Variants in PLCL2 observed in about 807,000 individuals in gnomAD.
PLCL2 encodes the protein inactive phospholipase C-like protein 2.
PLCL2 carries 4 observed loss-of-function variants against 79.6 expected under a neutral mutation model. That is an observed-to-expected ratio of 0.05 (90% confidence interval 0.02 to 0.11). The LOEUF (loss-of-function observed/expected upper bound fraction) is 0.11, where lower values mean the gene tolerates loss of function less well. Ranked by LOEUF, PLCL2 falls within the 10% of genes least tolerant of loss-of-function variation. The probability of loss-of-function intolerance (pLI) is 1.00; values close to 1 mark genes in which losing one functional copy is unlikely to be tolerated. For missense variants in PLCL2, 895 were observed against 1,291.0 expected (o/e 0.69, Z 4.70); for synonymous variants, 484 against 457.7 (o/e 1.06, Z -0.73).
intron 1 of PLCL2, among the ~76,000 whole-genome samples, chr3:17,007,297 A>G (rs2064271705): frequency 6.6e-6 from 1 of 152,182 alleles, no homozygotes; most frequent in African/African-American, 2.4e-5. Context: ...ACTGGGAAAA[A>G]AAAACTAAAG....
rs143218682 is a variant in PLCL2 at position 17,010,990 on chromosome 3, C to T, written c.1644C>T (p.Pro548=). The change falls in exon 2 of 6, where the codon CCC becomes CCT. Residue 548 remains proline, a synonymous_variant. Coordinates refer to ENST00000615277, the MANE Select transcript of PLCL2 (RefSeq NM_001144382.2). The surrounding 1 kb of genome is among the most constrained non-coding windows in gnomAD (Gnocchi z 5.8). ...GAGACAAGCTCTATACAACATCACC[C>T]AATGTTGAGGAATCTTATCTACCAT... ...LLGDKLYTTS[P]NVEESYLPSP... The T allele has an allele frequency of 3.2e-5, 51 of 1,613,158 alleles. No homozygotes were observed. The African/African-American group carries it at 6.4e-4, about 20-fold the overall frequency.
chr3:17,030,476 C>T (rs924747985), intron 3 of PLCL2, among the ~76,000 whole-genome samples: 1 of 152,154 alleles, frequency 6.6e-6, no homozygotes, highest in African/African-American at 2.4e-5. Flanking sequence ...GTTATTTATA[C>T]AGAGCATGAT....
chr3:16,960,690 A>C (rs1271683169), intron 1 of PLCL2, among the ~76,000 whole-genome samples: 2 of 152,172 alleles, frequency 1.3e-5, no homozygotes, highest in Non-Finnish European at 2.9e-5. Flanking sequence ...CAGTCCTGTA[A>C]TTGAGTATTT....
intron 1 of PLCL2, among the ~76,000 whole-genome samples, chr3:16,963,235 T>A (rs527599757): frequency 4.6e-5 from 7 of 152,218 alleles, no homozygotes; most frequent in Non-Finnish European, 8.8e-5. Context: ...GATTTCTACT[T>A]GTCTTCAGAT....
intron 1 of PLCL2, among the ~76,000 whole-genome samples, chr3:16,906,574 CAG>C (rs1559482163): frequency 6.6e-6 from 1 of 152,028 alleles, no homozygotes; most frequent in Admixed American, 6.5e-5. Flanking sequence ...GAATATTCTA[CAG>C]AGTTTGAAAA....
At chr3:17,056,024 T>C (rs1465710660) in intron 4 of PLCL2, among the ~76,000 whole-genome samples, 1 of 152,170 alleles carries the variant, frequency 6.6e-6, no homozygotes, top group East Asian at 1.9e-4. Flanking sequence ...CCCAACACTG[T>C]GCTCTCTTGT....
At chr3:16,897,452 C>A (rs1031329629) in intron 1 of PLCL2, among the ~76,000 whole-genome samples, 6 of 152,086 alleles carry the variant, frequency 3.9e-5, no homozygotes, top group South Asian at 2.1e-4. Context: ...GTACCCATGG[C>A]ATTCTGCAGC....
intron 5 of PLCL2, among the ~76,000 whole-genome samples, chr3:17,087,961 T>C (rs1267023128): frequency 1.3e-5 from 2 of 152,190 alleles, no homozygotes; most frequent in African/African-American, 2.4e-5. Context: ...CACAATATGC[T>C]ATATATACAA....
At chr3:17,083,058 A>T (rs2065180058) in intron 5 of PLCL2, among the ~76,000 whole-genome samples, 1 of 152,124 alleles carries the variant, frequency 6.6e-6, no homozygotes. Context: ...CAGTGATCAG[A>T]AGACAAAAAT....
intron 5 of PLCL2, among the ~76,000 whole-genome samples, chr3:17,072,442 A>G (rs1048900583): frequency 2.0e-5 from 3 of 152,024 alleles, no homozygotes; most frequent in African/African-American, 7.2e-5. Context: ...GCCGAGCTGC[A>G]TGGATCACCT....
intron 1 of PLCL2, among the ~76,000 whole-genome samples, chr3:16,898,359 G>A (rs939775402): frequency 6.6e-6 from 1 of 152,054 alleles, no homozygotes; most frequent in Admixed American, 6.5e-5. Flanking sequence ...AAGAATAAGA[G>A]AGGTTTCCTT....
intron 1 of PLCL2, among the ~76,000 whole-genome samples, chr3:16,971,858 A>T (rs1346621662): frequency 6.6e-6 from 1 of 152,006 alleles, no homozygotes; most frequent in Non-Finnish European, 1.5e-5. Flanking sequence ...TTTGTCTGTT[A>T]TTGGTGTATA....
intron 1 of PLCL2, among the ~76,000 whole-genome samples, chr3:16,920,575 C>T (rs1231675862): frequency 6.6e-6 from 1 of 151,984 alleles, no homozygotes; most frequent in Admixed American, 6.6e-5. Context: ...TGCTTTGAGC[C>T]CTGTGAGTGG....
chr3:17,072,782 T>C (rs2065073467), intron 5 of PLCL2, among the ~76,000 whole-genome samples: 1 of 152,210 alleles, frequency 6.6e-6, no homozygotes, highest in South Asian at 2.1e-4. Flanking sequence ...CTTGAAACTA[T>C]AATTGCCATG....
intron 4 of PLCL2, among the ~76,000 whole-genome samples, chr3:17,055,483 A>G (rs1219939880): frequency 6.6e-6 from 1 of 152,176 alleles, no homozygotes; most frequent in Admixed American, 6.6e-5. Context: ...CCGCTGTCTC[A>G]CCACACCTCA....
intron 1 of PLCL2, among the ~76,000 whole-genome samples, chr3:16,993,512 T>C (rs2064124617): frequency 6.6e-6 from 1 of 152,200 alleles, no homozygotes; most frequent in African/African-American, 2.4e-5. Context: ...TTCAAAACTC[T>C]GGAATTAAAG....
chr3:17,042,826 G>A, intron 3 of PLCL2, 48 bp from the exon 4 acceptor site: 1 of 1,275,898 alleles, frequency 7.8e-7, no homozygotes, highest in Non-Finnish European at 1.1e-6. Flanking sequence ...ATGCAGGAGG[G>A]GATCTAGTTG....
At chr3:16,901,089 A>G (rs141227311) in intron 1 of PLCL2, among the ~76,000 whole-genome samples, 1 of 152,300 alleles carries the variant, frequency 6.6e-6, no homozygotes, top group Non-Finnish European at 1.5e-5. Flanking sequence ...TAACTGCTCC[A>G]CTGCTTATTT....
chr3:17,018,867 T>C (rs1266519990), intron 3 of PLCL2, among the ~76,000 whole-genome samples: 3 of 152,220 alleles, frequency 2.0e-5, no homozygotes, highest in African/African-American at 4.8e-5. Flanking sequence ...CAAGTATTTA[T>C]TGAGTGCCTA....
Sources: allele counts gnomAD v4.1 joint callset (sites outside exome capture counted in the v4.1 genomes callset), GRCh38; gene constraint gnomAD v4.1.1; non-coding constraint Gnocchi (gnomAD v3.1); transcripts MANE v1.5; gene names NCBI Gene and HGNC (gene_info 2026-07-23, HGNC 2026-07-21).